The following ZNF658 variants were observed in gnomAD, a reference collection of about 807,000 sequenced individuals.
The protein encoded by ZNF658 is zinc finger protein 658.
ZNF658 carries 46 observed loss-of-function variants against 78.0 expected under a neutral mutation model. The observed-to-expected ratio is 0.59, with a 90% confidence interval of 0.47 to 0.75. The LOEUF (loss-of-function observed/expected upper bound fraction) is 0.75, where lower values mean the gene tolerates loss of function less well. Ranked by LOEUF, ZNF658 falls within the 30% of genes least tolerant of loss-of-function variation. The pLI is 0.00. For synonymous variants in ZNF658, 279 were observed against 408.4 expected (o/e 0.68, Z 3.82); for missense variants, 785 against 1,189.3 (o/e 0.66, Z 5.00).
At position 66,908,455 on chromosome 9, in the gene ZNF658, G is replaced by A. The variant is rs531091204; in HGVS notation, c.142+91G>A. ...CATGGACCCTTTATAGAGATTAAAG[G>A]GCTTTGGATTAAAAGGTTTGAAGTA... On this transcript the variant is annotated intron_variant, in intron 3 of 4. Transcript: ENST00000621410. 9.0e-5 allele frequency: 142 copies of A among 1,571,212 alleles called. No individual in the cohort carries two copies. The South Asian group carries it at 1.5e-3, about 16-fold the overall frequency.
At chr9:66,925,714 G>A (rs1253441396), downstream of ZNF658, among the ~76,000 whole-genome samples, 4 of 152,014 alleles carry the variant, frequency 2.6e-5, no homozygotes, top group Non-Finnish European at 5.9e-5. Context: ...AAATCAAACA[G>A]GAGAGAATAT....
At chr9:66,908,442 A>G in intron 3 of ZNF658, 78 bp downstream of exon 3, 1 of 1,598,454 alleles carries the variant, frequency 6.3e-7, no homozygotes, top group Middle Eastern at 1.9e-4. Context: ...TGGACCCTTT[A>G]TAGAGATTAA....
At chr9:66,915,061 A>T (rs1440033472) in intron 4 of ZNF658, among the ~76,000 whole-genome samples, 4 of 88,900 alleles carry the variant, frequency 4.5e-5, no homozygotes, top group Non-Finnish European at 9.8e-5. Context: ...TTGCACACAC[A>T]CACACACACA....
downstream of ZNF658, among the ~76,000 whole-genome samples, chr9:66,921,716 C>T (rs1822530676): frequency 1.3e-5 from 2 of 151,548 alleles, no homozygotes; most frequent in South Asian, 4.2e-4. Flanking sequence ...CTGGAAGCTT[C>T]GTCTCAGAGG....
At chr9:66,931,470 G>T (rs1822643837) in intron 6 of ZNF658, among the ~76,000 whole-genome samples, 4 of 151,978 alleles carry the variant, frequency 2.6e-5, no homozygotes, top group African/African-American at 4.8e-5. Flanking sequence ...CAGAGACCTG[G>T]GAACGTTTAT....
chr9:66,901,873 C>T (rs903632854), intron 1 of ZNF658, among the ~76,000 whole-genome samples: 4 of 152,000 alleles, frequency 2.6e-5, no homozygotes, highest in African/African-American at 7.3e-5. Flanking sequence ...GAACCCGAGG[C>T]GGACGCTGCA....
intron 6 of ZNF658, among the ~76,000 whole-genome samples, chr9:66,930,682 A>C (rs1305315421): frequency 6.6e-6 from 1 of 152,124 alleles, no homozygotes; most frequent in Non-Finnish European, 1.5e-5. Context: ...GTCTCAAAAA[A>C]AAAATGGAAT....
chr9:66,927,452 A>C (rs1822596872), intron 6 of ZNF658, among the ~76,000 whole-genome samples: 2 of 152,068 alleles, frequency 1.3e-5, no homozygotes, highest in African/African-American at 4.8e-5. Flanking sequence ...AACGTTCTTC[A>C]AAAAGTTAAA....
In ZNF658 at chr9:66,918,820, A is replaced by G; in HGVS notation, c.1254A>G (p.Ala418=). ...GEKTYQYEEC[A]KSFCSSSHPI... ...AAACTTACCAATATGAGGAATGTGC[A>G]AAATCCTTTTGTTCAAGTTCACATC... is the stretch of plus-strand genomic sequence containing the variant. The change falls in exon 5 of 5, where the codon GCA becomes GCG. Residue 418 remains alanine, a synonymous_variant. Coordinates refer to ENST00000621410, the MANE Select transcript of ZNF658 (RefSeq NM_033160.7). The G allele has an allele frequency of 6.2e-7, 1 of 1,613,492 alleles. No individual in the cohort carries two copies. The highest frequency in any genetic ancestry group is 8.5e-7 in the Non-Finnish European group (1 of 1,179,762).
intron 4 of ZNF658, among the ~76,000 whole-genome samples, chr9:66,914,595 C>T (rs1473769070): frequency 6.6e-6 from 1 of 152,054 alleles, no homozygotes; most frequent in Admixed American, 6.5e-5. Flanking sequence ...TTATAGATTA[C>T]TTTTATTAAA....
downstream of ZNF658, among the ~76,000 whole-genome samples, chr9:66,922,497 C>A (rs552740257): frequency 9.8e-4 from 116 of 118,642 alleles, 6 homozygotes; most frequent in East Asian, 0.027. Context: ...ATGTAAATTT[C>A]TTTTAAAGAT....
chr9:66,926,410 T>A (rs1256113292), downstream of ZNF658, among the ~76,000 whole-genome samples: 7 of 151,904 alleles, frequency 4.6e-5, no homozygotes, highest in East Asian at 1.9e-4. Flanking sequence ...AAAAATCAAT[T>A]GCATTTCTAT....
chr9:66,912,661 T>C (rs1002723307), intron 4 of ZNF658, among the ~76,000 whole-genome samples: 1 of 151,270 alleles, frequency 6.6e-6, no homozygotes, highest in Non-Finnish European at 1.5e-5. Flanking sequence ...TAAAAACTGC[T>C]GAGTCAAACA....
chr9:66,911,649 G>A (rs1044092036), intron 4 of ZNF658, among the ~76,000 whole-genome samples: 2 of 126,252 alleles, frequency 1.6e-5, no homozygotes, highest in African/African-American at 6.9e-5. Flanking sequence ...AAAAAAGAGA[G>A]GAAACACCTA....
At chr9:66,929,596 C>T (rs901371086) in intron 6 of ZNF658, among the ~76,000 whole-genome samples, 12 of 151,580 alleles carry the variant, frequency 7.9e-5, no homozygotes, top group African/African-American at 2.9e-4. Flanking sequence ...AGATTTGAGT[C>T]AATTTTTCCC....
chr9:66,919,006 C>T lies in ZNF658; in HGVS notation c.1440C>T (p.Pro480=). The T allele has an allele frequency of 3.9e-6, 4 of 1,021,690 alleles. No individual in the cohort carries two copies. Among genetic ancestry groups the T allele is most frequent in the South Asian group, 1.5e-5 (1 of 68,302 alleles). 63.3% of individuals were successfully genotyped at this position (1,021,690 alleles called of 1,614,324 possible). ...NNGCGRSYKS[P]LIGHQKTDAE... is the part of the protein sequence containing the mutation. ...GCTGTGGGAGATCTTACAAGTCACC[C>T]CTCATAGGACACCAGAAAACAGATG... The change falls in exon 5 of 5, where the codon CCC becomes CCT. Residue 480 remains proline (P), a synonymous_variant. Transcript: ENST00000621410.
intron 2 of ZNF658, among the ~76,000 whole-genome samples, chr9:66,906,969 A>G (rs1822095358): frequency 6.6e-6 from 1 of 151,922 alleles, no homozygotes; most frequent in African/African-American, 2.4e-5. Flanking sequence ...CACCGTCATC[A>G]CTTGCTAATT....
At chr9:66,901,116 A>G (rs1373464724) in intron 1 of ZNF658, 4 of 152,216 alleles carry the variant, frequency 2.6e-5, no homozygotes, top group African/African-American at 9.6e-5. Context: ...TGAAAATTAA[A>G]TAAGTTGTCA....
In ZNF658 at chr9:66,918,384, A is replaced by G; in HGVS notation, c.818A>G (p.Asn273Ser). Reference protein sequence around the residue: ...TDTRGKCSDLNEYGTSCDKTT... With the variant: ...TDTRGKCSDLSEYGTSCDKTT... ...ACAAGGGGGAAATGCTCTGATCTTA[A>G]TGAATATGGGACATCCTGTGACAAA... Residue 273 changes from asparagine to serine, a missense_variant, in exon 5 of 5, where the codon AAT (asparagine) becomes AGT (serine). Coordinates refer to ENST00000621410, the MANE Select transcript of ZNF658 (RefSeq NM_033160.7). The G allele has an allele frequency of 2.5e-6, 4 of 1,613,870 alleles. No homozygotes were observed. The highest frequency in any genetic ancestry group is 3.4e-6 in the Non-Finnish European group (4 of 1,179,830).
Sources: allele counts gnomAD v4.1 joint callset (sites outside exome capture counted in the v4.1 genomes callset), GRCh38; gene constraint gnomAD v4.1.1; transcripts MANE v1.5; gene names NCBI Gene and HGNC (gene_info 2026-07-23, HGNC 2026-07-21).